Variants in PPARG observed in about 807,000 individuals in gnomAD.
The protein encoded by PPARG is peroxisome proliferator-activated receptor gamma.
In PPARG, 17 loss-of-function variants were observed where a neutral mutation model predicts 39.2. The observed-to-expected ratio is 0.43, with a 90% CI of 0.30 to 0.65. PPARG has a LOEUF of 0.65. Ranked by LOEUF, PPARG falls within the 30% of genes least tolerant of loss-of-function variation. The pLI is 0.13. For synonymous variants in PPARG, 223 were observed against 215.7 expected (o/e 1.03, Z -0.30); for missense variants, 406 against 585.9 (o/e 0.69, Z 3.17).
intron 2 of PPARG, among the ~76,000 whole-genome samples, chr3:12,361,687 T>A (rs1222815596): frequency 6.6e-6 from 1 of 152,258 alleles, no homozygotes; most frequent in East Asian, 1.9e-4. Context: ...ACTCTTCTAT[T>A]GCATTGTATT....
At chr3:12,344,480 T>G (rs906614115) in intron 2 of PPARG, among the ~76,000 whole-genome samples, 1 of 152,212 alleles carries the variant, frequency 6.6e-6, no homozygotes, top group African/African-American at 2.4e-5. Flanking sequence ...CTGTGTTGCC[T>G]GTGGTTTAAT....
intron 2 of PPARG, among the ~76,000 whole-genome samples, chr3:12,366,856 A>G (rs1246559456): frequency 6.6e-6 from 1 of 152,000 alleles, no homozygotes; most frequent in Non-Finnish European, 1.5e-5. Flanking sequence ...TATAGGGTTT[A>G]TTTTCCTTGT....
intron 5 of PPARG, among the ~76,000 whole-genome samples, chr3:12,394,934 G>GC (rs1184920194): frequency 6.6e-6 from 1 of 152,146 alleles, no homozygotes; most frequent in African/African-American, 2.4e-5. Context: ...TTCAGTATGC[G>GC]CAAGAAAACA....
At chr3:12,422,916 C>T (rs1365286737) in intron 7 of PPARG, among the ~76,000 whole-genome samples, 1 of 151,942 alleles carries the variant, frequency 6.6e-6, no homozygotes, top group East Asian at 1.9e-4. Flanking sequence ...AAAAAAGAAT[C>T]TCCAGATTAT....
At chr3:12,353,145 C>T (rs1221142004) in intron 2 of PPARG, among the ~76,000 whole-genome samples, 1 of 152,162 alleles carries the variant, frequency 6.6e-6, no homozygotes, top group African/African-American at 2.4e-5. Flanking sequence ...TTTGAATTTA[C>T]TCTGAGTTTA....
rs367723779 is a variant in PPARG at position 12,433,958 on chromosome 3, C to G, written c.1241C>G (p.Ala414Gly). 6.2e-7 allele frequency: 1 copy of G among 1,614,110 alleles called. No homozygotes were observed. The highest frequency in any genetic ancestry group is 1.3e-5 in the African/African-American group (1 of 74,932). The change falls in exon 8 of 8, where the codon GCC becomes GGC. Residue 414 changes from alanine (A) to glycine (G), a missense_variant. Physicochemically the swap from Ala to Gly is moderately conservative, Grantham distance 60. This residue lies in a region of PPARG where 275 missense variants were observed against 458.0 expected (regional missense o/e 0.60). Coordinates refer to ENST00000651735, the MANE Select transcript of PPARG (RefSeq NM_138711.6). Reference protein sequence around the residue: ...IEDIQDNLLQALELQLKLNHP... With the variant: ...IEDIQDNLLQGLELQLKLNHP... ...GACATTCAAGACAACCTGCTACAAGCCCTGGAGCTCCAGCTGAAGCTGAAC... is the reference window on the plus strand; with the variant it reads ...GACATTCAAGACAACCTGCTACAAGGCCTGGAGCTCCAGCTGAAGCTGAAC...
chr3:12,327,180 G>A lies in PPARG; in HGVS notation c.-9+14727G>A, dbSNP rs115479359. Among the ~76,000 whole-genome samples, 1,058 of 152,184 alleles carry A rather than the reference G, an allele frequency of 7.0e-3. 10 individuals carry two copies. The highest frequency in any genetic ancestry group is 0.024 in the African/African-American group (1,009 of 41,506). On this transcript the variant is annotated intron_variant, in intron 2 of 7. Coordinates refer to ENST00000651735, the MANE Select transcript of PPARG (RefSeq NM_138711.6). The stretch of plus-strand genomic sequence containing the variant: ...AGAAGGAGACTGGATGTTTGTACCC[G>A]GTTTGCTTCTTCCCCTTTGTTCTGC...
chr3:12,304,544 G>C (rs114827260), intron 1 of PPARG, among the ~76,000 whole-genome samples: 120 of 152,162 alleles, frequency 7.9e-4, no homozygotes, highest in African/African-American at 2.7e-3. Flanking sequence ...GTTAGCTGCA[G>C]AAGAAAAAAA....
At chr3:12,431,785 T>C (rs1419138443) in intron 7 of PPARG, among the ~76,000 whole-genome samples, 1 of 151,928 alleles carries the variant, frequency 6.6e-6, no homozygotes, top group Non-Finnish European at 1.5e-5. Flanking sequence ...ACAAAAAATT[T>C]CGAAATTAGT....
chr3:12,351,737 C>A, intron 2 of PPARG: 1 of 1,310,466 alleles, frequency 7.6e-7, no homozygotes, highest in Non-Finnish European at 1.1e-6. Flanking sequence ...GGTAAAATTG[C>A]TCTTGTAGTT....
chr3:12,426,292 CATGTGTGTTCA>C (rs1197611668), intron 7 of PPARG, among the ~76,000 whole-genome samples: 1 of 152,234 alleles, frequency 6.6e-6, no homozygotes, highest in African/African-American at 2.4e-5. Flanking sequence ...CTACCAGCAA[CATGTGTGTTCA>C]CTGCAGAATG....
intron 2 of PPARG, among the ~76,000 whole-genome samples, chr3:12,362,784 A>C (rs1327297625): frequency 1.3e-5 from 2 of 151,588 alleles, no homozygotes; most frequent in African/African-American, 4.9e-5. Context: ...TATGATGGCT[A>C]CTCTAGGATT....
intron 2 of PPARG, among the ~76,000 whole-genome samples, chr3:12,335,862 C>T (rs1197095299): frequency 6.6e-6 from 1 of 152,080 alleles, no homozygotes; most frequent in Non-Finnish European, 1.5e-5. Flanking sequence ...AGAATGGCAG[C>T]ACTGACCTAG....
At chr3:12,379,682 G>A in intron 2 of PPARG, 22 bp from the exon 3 acceptor site, 2 of 1,595,002 alleles carry the variant, frequency 1.3e-6, no homozygotes, top group Non-Finnish European at 1.7e-6. Flanking sequence ...TAACTTCACA[G>A]CTAGTCTATT....
intron 2 of PPARG, among the ~76,000 whole-genome samples, chr3:12,358,873 A>G (rs1575051869): frequency 6.6e-6 from 1 of 152,348 alleles, no homozygotes; most frequent in Non-Finnish European, 1.5e-5. Context: ...ATATACACTT[A>G]GTATTATTTC....
intron 2 of PPARG, among the ~76,000 whole-genome samples, chr3:12,343,873 T>G (rs962923843): frequency 6.8e-6 from 1 of 147,138 alleles, no homozygotes; most frequent in African/African-American, 2.6e-5. Flanking sequence ...TTTTTTTTTT[T>G]TTTTTGAGAC....
chr3:12,369,393 G>T (rs6802327), intron 2 of PPARG, among the ~76,000 whole-genome samples: 21,015 of 152,098 alleles, frequency 0.14, 1,618 homozygotes, highest in Admixed American at 0.21. Context: ...TTGGGAGGCT[G>T]AAGTTGGAGG....
In PPARG at chr3:12,433,880, C is replaced by T; in HGVS notation, c.1181-18C>T. 1 of 1,613,776 alleles carries T rather than the reference C, an allele frequency of 6.2e-7. No individual in the cohort carries two copies. Among genetic ancestry groups the T allele is most frequent in the Non-Finnish European group, 8.5e-7 (1 of 1,180,028 alleles). ...TTGACTGAACCCCCTGTTGTGTTTT[C>T]CATATGTGCTTCCCCAGACCGCCCA... On this transcript the variant is annotated intron_variant, in intron 7 of 7. Coordinates refer to ENST00000651735, the MANE Select transcript of PPARG (RefSeq NM_138711.6).
rs575329489 is a variant in PPARG at position 12,342,982 on chromosome 3, G to A, written c.-9+30529G>A. On this transcript the variant is annotated intron_variant, in intron 2 of 7. Transcript: ENST00000651735. The stretch of plus-strand genomic sequence containing the variant: ...AGATTTAACATATGTAAACTGTATT[G>A]TACTTCATTTGAAATTCAGTATCTT... Among the ~76,000 whole-genome samples the A allele has an allele frequency of 2.6e-5, 4 of 152,214 alleles. No individual in the cohort carries two copies. The East Asian group carries it at 7.7e-4, about 29-fold the overall frequency.
Sources: allele counts gnomAD v4.1 joint callset (sites outside exome capture counted in the v4.1 genomes callset), GRCh38; gene constraint gnomAD v4.1.1; regional missense constraint gnomAD v4.1.1; transcripts MANE v1.5; gene names NCBI Gene and HGNC (gene_info 2026-07-23, HGNC 2026-07-21).